The following ATP2B2 variants were observed in gnomAD, a reference collection of about 807,000 sequenced individuals.
The protein encoded by ATP2B2 is ATPase plasma membrane Ca2+ transporting 2, also known as plasma membrane calcium-transporting ATPase 2.
A neutral mutation model predicts 120.0 loss-of-function variants in ATP2B2; 15 were observed. The ratio of observed to expected loss-of-function variants is 0.12; its 90% confidence interval spans 0.08 to 0.19. The LOEUF (loss-of-function observed/expected upper bound fraction) is 0.19. Ranked by LOEUF, ATP2B2 falls within the 10% of genes least tolerant of loss-of-function variation. ATP2B2 has a pLI of 1.00. For synonymous variants in ATP2B2, 694 were observed against 700.3 expected (o/e 0.99, Z 0.14); for missense variants, 1,045 against 1,719.8 (o/e 0.61, Z 6.94).
intron 3 of ATP2B2, among the ~76,000 whole-genome samples, chr3:10,513,505 G>A (rs1217986927): frequency 2.6e-5 from 4 of 152,096 alleles, no homozygotes; most frequent in Non-Finnish European, 5.9e-5. Context: ...AGATGAACAC[G>A]AAGCCCTCGG....
chr3:10,642,526 T>TA lies in ATP2B2; in HGVS notation c.-459-22566dup, dbSNP rs570017802. On this transcript the variant is annotated intron_variant, in intron 1 of 21. Coordinates refer to the ATP2B2 transcript ENST00000646379. ...GAACAAAAAAGTCACTGTGTACATG[T>TA]ACACCCACACACGTACACACAATGT... 4.7e-4 allele frequency among the ~76,000 whole-genome samples: 71 copies of TA among 152,262 alleles called. No homozygotes were observed. In the South Asian group the frequency reaches 0.015, roughly 32 times the overall value.
chr3:10,424,280 G>A (rs1223716317), intron 2 of ATP2B2, among the ~76,000 whole-genome samples: 2 of 152,228 alleles, frequency 1.3e-5, no homozygotes, highest in Admixed American at 1.3e-4. Context: ...TACGGCTAAA[G>A]CTAGGATTTG....
chr3:10,522,463 T>C (rs895129877), intron 3 of ATP2B2, among the ~76,000 whole-genome samples: 1 of 152,368 alleles, frequency 6.6e-6, no homozygotes, highest in East Asian at 1.9e-4. Context: ...ATCTCCCTTC[T>C]ACCTCCTGGT....
At chr3:10,338,526 CTTTTT>C (rs34558372) in intron 21 of ATP2B2, among the ~76,000 whole-genome samples, 168 bp from the exon 22 acceptor site, 1 of 88,448 alleles carries the variant, frequency 1.1e-5, no homozygotes, top group African/African-American at 5.4e-5. Context: ...TTGACAATGT[CTTTTT>C]TTTTTTTTTT....
chr3:10,678,119 T>C (rs776820218), intron 1 of ATP2B2, among the ~76,000 whole-genome samples: 12 of 152,236 alleles, frequency 7.9e-5, no homozygotes, highest in African/African-American at 1.7e-4. Context: ...TAGACACCAA[T>C]GTGCAAACCG....
rs750481711 is a variant in ATP2B2 at position 10,410,618 on chromosome 3, C to T, written c.397G>A (p.Gly133Arg). ...FYHPPGEGNE[G>R]CATAQGGAED... Reference sequence around the variant, plus strand: ...TTCGTGGGTCTGAGGCCCATCTTACCTTCGTTGCCCTCGCCGGGCGGGTGG... The same window carrying T: ...TTCGTGGGTCTGAGGCCCATCTTACTTTCGTTGCCCTCGCCGGGCGGGTGG... Residue 133 changes from glycine (G) to arginine (R), a missense_variant and splice_region_variant, in exon 3 of 23, where the codon GGA becomes AGA. Gly to Arg is a moderately radical substitution (Grantham distance 125). Transcript: ENST00000360273. The T allele has an allele frequency of 1.2e-6, 2 of 1,602,822 alleles. No individual in the cohort carries two copies. Among genetic ancestry groups the T allele is most frequent in the South Asian group, 1.1e-5 (1 of 89,874 alleles).
intron 5 of ATP2B2, among the ~76,000 whole-genome samples, chr3:10,397,353 A>G (rs1050953591): frequency 6.6e-6 from 1 of 152,196 alleles, no homozygotes; most frequent in Non-Finnish European, 1.5e-5. Flanking sequence ...AAGTGAGACC[A>G]GTGAGATCCG....
intron 1 of ATP2B2, among the ~76,000 whole-genome samples, chr3:10,495,891 T>C (rs1273896359): frequency 1.3e-5 from 2 of 152,208 alleles, no homozygotes; most frequent in African/African-American, 2.4e-5. Context: ...GCACCCGCAG[T>C]CGTATACCAC....
chr3:10,614,952 G>A (rs1020159847), intron 2 of ATP2B2, among the ~76,000 whole-genome samples: 2 of 152,190 alleles, frequency 1.3e-5, no homozygotes, highest in Admixed American at 6.5e-5. Flanking sequence ...ATATGTCATG[G>A]GGCTGTTTTC....
intron 2 of ATP2B2, among the ~76,000 whole-genome samples, chr3:10,432,776 G>A (rs1370698211): frequency 2.0e-5 from 3 of 152,210 alleles, no homozygotes; most frequent in East Asian, 3.9e-4. Flanking sequence ...GGGGACAAAG[G>A]GACGCGGCTT....
At chr3:10,484,053 A>T (rs1166725094) in intron 1 of ATP2B2, among the ~76,000 whole-genome samples, 2 of 152,200 alleles carry the variant, frequency 1.3e-5, no homozygotes, top group Non-Finnish European at 2.9e-5. Context: ...TTGAGCAACG[A>T]CTAGGCCTCT....
intron 1 of ATP2B2, among the ~76,000 whole-genome samples, chr3:10,668,794 C>T (rs1266223472): frequency 6.6e-6 from 1 of 152,248 alleles, no homozygotes; most frequent in African/African-American, 2.4e-5. Context: ...TCAGGGCAGG[C>T]TCCTCGCCTG....
chr3:10,594,045 T>A (rs368184272), intron 2 of ATP2B2, among the ~76,000 whole-genome samples: 3 of 152,044 alleles, frequency 2.0e-5, no homozygotes, highest in East Asian at 1.9e-4. Context: ...TAGAATGGCG[T>A]TCATTAAAAA....
intron 3 of ATP2B2, among the ~76,000 whole-genome samples, chr3:10,521,140 C>A (rs1159014807): frequency 6.6e-6 from 1 of 152,252 alleles, no homozygotes; most frequent in East Asian, 1.9e-4. Context: ...GGGCACACAT[C>A]CCAAGGAGTA....
chr3:10,471,511 A>G (rs1046145193), intron 1 of ATP2B2, among the ~76,000 whole-genome samples: 1 of 151,892 alleles, frequency 6.6e-6, no homozygotes, highest in Non-Finnish European at 1.5e-5. Context: ...GAGGAGGGGA[A>G]AGAGAAAGGA....
chr3:10,410,587 G>A, intron 3 of ATP2B2, 31 bp downstream of exon 3: 1 of 1,576,336 alleles, frequency 6.3e-7, no homozygotes, highest in Non-Finnish European at 8.6e-7. Context: ...CAGGTGTGCG[G>A]GGCGGTTCGT....
intron 2 of ATP2B2, among the ~76,000 whole-genome samples, chr3:10,572,651 T>A (rs2068153380): frequency 6.6e-6 from 1 of 152,156 alleles, no homozygotes; most frequent in Admixed American, 6.5e-5. Flanking sequence ...CATGGAATGA[T>A]AGATGAACAG....
At chr3:10,531,785 G>A (rs747284809) in intron 3 of ATP2B2, among the ~76,000 whole-genome samples, 11 of 152,180 alleles carry the variant, frequency 7.2e-5, no homozygotes, top group Non-Finnish European at 1.2e-4. Flanking sequence ...TGCCTGGCAC[G>A]CAGTGGGTAC....
At chr3:10,621,982 C>T (rs1382386613) in intron 1 of ATP2B2, among the ~76,000 whole-genome samples, 2 of 152,234 alleles carry the variant, frequency 1.3e-5, no homozygotes, top group Admixed American at 1.3e-4. Context: ...CATTGAGACA[C>T]CCTCTGACTG....
Sources: allele counts gnomAD v4.1 joint callset (sites outside exome capture counted in the v4.1 genomes callset), GRCh38; gene constraint gnomAD v4.1.1; transcripts MANE v1.5; gene names NCBI Gene and HGNC (gene_info 2026-07-23, HGNC 2026-07-21).